DOCK8: variants seen among roughly 807,000 people sequenced by gnomAD.
DOCK8 encodes dedicator of cytokinesis 8, also known as dedicator of cytokinesis protein 8.
In DOCK8, 141 loss-of-function variants were observed where a neutral mutation model predicts 245.6. The observed-to-expected ratio is 0.57, with a 90% CI of 0.50 to 0.66. The LOEUF is 0.66. Ranked by LOEUF, DOCK8 falls within the 30% of genes least tolerant of loss-of-function variation. DOCK8 has a pLI of 0.00. For synonymous variants in DOCK8, 1,168 were observed against 970.2 expected (o/e 1.20, Z -3.79); for missense variants, 2,965 against 2,603.4 (o/e 1.14, Z -3.02).
intron 11 of DOCK8, among the ~76,000 whole-genome samples, chr9:335,732 G>C (rs2051278682): frequency 6.6e-6 from 1 of 152,112 alleles, no homozygotes; most frequent in African/African-American, 2.4e-5. Context: ...CCTGACAACA[G>C]AGACTGATTC....
chr9:362,669 C>T (rs964957193), intron 14 of DOCK8, among the ~76,000 whole-genome samples: 3 of 152,166 alleles, frequency 2.0e-5, no homozygotes, highest in Non-Finnish European at 2.9e-5. Context: ...AGGGTCCAGT[C>T]GCTTAAACAG....
chr9:455,902 C>T (rs2057625089), intron 46 of DOCK8, among the ~76,000 whole-genome samples: 1 of 151,452 alleles, frequency 6.6e-6, no homozygotes, highest in Non-Finnish European at 1.5e-5. Flanking sequence ...CAACTATAGA[C>T]GTCAGTTCAT....
intron 4 of DOCK8, among the ~76,000 whole-genome samples, chr9:295,049 A>G (rs541778252): frequency 5.9e-5 from 9 of 152,084 alleles, no homozygotes; most frequent in African/African-American, 2.2e-4. Flanking sequence ...AGTCCCAGTT[A>G]CTCAGGAGGC....
Position 426,937 on chromosome 9 carries a change from G to A in DOCK8, c.4294G>A (p.Glu1432Lys), listed in dbSNP as rs1489941451. The change falls in exon 34 of 48, where the codon GAA (glutamate) becomes AAA (lysine). Residue 1432 changes from glutamate (E) to lysine (K), a missense_variant. Transcript: ENST00000432829. ...EALISGNLAT[E>K]AHLIILDMQE... is the part of the protein sequence containing the mutation. Reference sequence around the variant, plus strand: ...CTTGATCAGTGGCAATCTGGCTACAGAAGCACATTTAATCATCCTGGATAT... The same window carrying A: ...CTTGATCAGTGGCAATCTGGCTACAAAAGCACATTTAATCATCCTGGATAT... 6.2e-7 allele frequency: 1 copy of A among 1,614,152 alleles called. No individual in the cohort carries two copies. The highest frequency in any genetic ancestry group is 1.7e-5 in the Admixed American group (1 of 60,026).
intron 4 of DOCK8, among the ~76,000 whole-genome samples, chr9:299,762 C>T (rs537835454): frequency 8.6e-5 from 13 of 151,690 alleles, no homozygotes; most frequent in Non-Finnish European, 1.6e-4. Flanking sequence ...TGGCACACAT[C>T]TGTAATCCCA....
At chr9:349,979 G>A (rs946447036) in intron 14 of DOCK8, among the ~76,000 whole-genome samples, 1 of 152,142 alleles carries the variant, frequency 6.6e-6, no homozygotes, top group Non-Finnish European at 1.5e-5. Flanking sequence ...GCTCTTCTGA[G>A]CTTGTTTGTT....
Position 386,085 on chromosome 9 carries a change from A to C in DOCK8, c.2779-246A>C, listed in dbSNP as rs115299121. The stretch of plus-strand genomic sequence containing the variant: ...GGACTACTCAGCAGCCCAGATTCTT[A>C]AATAGTTTTTAACTGTAGGTTGCTA... On this transcript the variant is annotated intron_variant, in intron 22 of 47. Transcript: ENST00000432829. Among the ~76,000 whole-genome samples, 860 of 152,272 alleles carry C rather than the reference A, an allele frequency of 5.6e-3. 8 individuals carry two copies. The highest frequency in any genetic ancestry group is 0.02 in the African/African-American group (836 of 41,558).
chr9:341,179 G>A (rs957713969), intron 14 of DOCK8, among the ~76,000 whole-genome samples: 1 of 152,178 alleles, frequency 6.6e-6, no homozygotes, highest in African/African-American at 2.4e-5. Flanking sequence ...CTGAAAAATT[G>A]ATTTTAATTA....
rs79019942 is a variant in DOCK8, at chr9:418,963, C to A, written c.3840+756C>A. Among the ~76,000 whole-genome samples the A allele has an allele frequency of 5.0e-3, 758 of 152,218 alleles. 10 individuals are homozygous for A. The highest frequency in any genetic ancestry group is 0.017 in the African/African-American group (719 of 41,522). ...CAAGACTGCAGCTTTTCTAGGACCC[C>A]AGGGAGCCTAAGGAGGGTTGTTTGG... On this transcript the variant is annotated intron_variant, in intron 30 of 47. Coordinates refer to ENST00000432829, the MANE Select transcript of DOCK8 (RefSeq NM_203447.4).
chr9:368,016 A>G lies in DOCK8; in HGVS notation c.1680-2A>G, dbSNP rs749633690. ...ATTGATTCTTTATCTCTTCTTTTCC[A>G]GAAACCTTCTCTATGTCTACCCACA... On this transcript the variant is annotated splice_acceptor_variant, in intron 14 of 47. Transcript: ENST00000432829. LOFTEE classifies it high-confidence loss of function. The G allele has an allele frequency of 3.1e-6, 5 of 1,610,374 alleles. No individual in the cohort carries two copies. The highest frequency in any genetic ancestry group is 4.2e-6 in the Non-Finnish European group (5 of 1,176,530).
At chr9:339,130 C>A in intron 13 of DOCK8, 31 bp downstream of exon 13, 1 of 1,587,094 alleles carries the variant, frequency 6.3e-7, no homozygotes, top group South Asian at 1.1e-5. Flanking sequence ...TCCTCTTTAG[C>A]TGTGCCAAAA....
rs1161406631 is a variant in DOCK8, at chr9:339,086, C to G, written c.1503C>G (p.Val501=). The change falls in exon 13 of 48, where the codon GTC becomes GTG. Residue 501 remains valine, a synonymous_variant. Coordinates refer to ENST00000432829, the MANE Select transcript of DOCK8 (RefSeq NM_203447.4). ...YKRSSSLQRR[V]KSIPGLLRLE... Reference sequence around the variant, plus strand: ...GATCATCATCCTTACAGAGACGAGTCAAGTCAATTCCAGGTGTGAATGACT... The same window carrying G: ...GATCATCATCCTTACAGAGACGAGTGAAGTCAATTCCAGGTGTGAATGACT... 3 of 1,613,996 alleles carry G rather than the reference C, an allele frequency of 1.9e-6. No homozygotes were observed. The highest frequency in any genetic ancestry group is 2.5e-6 in the Non-Finnish European group (3 of 1,179,934).
chr9:369,986 A>C, intron 15 of DOCK8: 1 of 533,498 alleles, frequency 1.9e-6, no homozygotes, highest in Non-Finnish European at 3.4e-6. Flanking sequence ...ATTTTTTTGT[A>C]GAGATGAGGT....
chr9:438,055 G>C (rs1311930097), intron 39 of DOCK8, among the ~76,000 whole-genome samples: 1 of 152,206 alleles, frequency 6.6e-6, no homozygotes, highest in Non-Finnish European at 1.5e-5. Context: ...GGCAGGTTTG[G>C]AAGAAAGACT....
intron 26 of DOCK8, among the ~76,000 whole-genome samples, chr9:402,043 C>G (rs1349903908): frequency 6.6e-6 from 1 of 152,134 alleles, no homozygotes; most frequent in Non-Finnish European, 1.5e-5. Flanking sequence ...AGTCTGTTTT[C>G]AAAACTTTAA....
At chr9:265,066 G>A (rs1246127023) in intron 1 of DOCK8, among the ~76,000 whole-genome samples, 1 of 152,072 alleles carries the variant, frequency 6.6e-6, no homozygotes. Flanking sequence ...CGAGTAGCTG[G>A]GATTACATGC....
intron 1 of DOCK8, among the ~76,000 whole-genome samples, chr9:217,964 C>T (rs1241448164): frequency 6.6e-6 from 1 of 152,098 alleles, no homozygotes; most frequent in Non-Finnish European, 1.5e-5. Flanking sequence ...CCAAGAATTT[C>T]CTTTAAAGCA....
chr9:369,952 C>T (rs541116893), intron 15 of DOCK8: 2 of 453,488 alleles, frequency 4.4e-6, no homozygotes, highest in East Asian at 4.5e-5. Flanking sequence ...TACGCATGTG[C>T]CACCACGCCT....
intron 7 of DOCK8, among the ~76,000 whole-genome samples, chr9:322,427 A>G (rs1370566619): frequency 1.3e-5 from 2 of 150,540 alleles, no homozygotes; most frequent in African/African-American, 4.9e-5. Flanking sequence ...ACTCACGGAA[A>G]AAGCCCAGGT....
Sources: gnomAD v4.1 joint callset for allele counts (sites outside exome capture counted in the v4.1 genomes callset) on GRCh38, gnomAD v4.1.1 for gene constraint, MANE v1.5 for transcripts, NCBI Gene and HGNC (gene_info 2026-07-23, HGNC 2026-07-21) for gene names.